CLEC3A: variants seen among roughly 807,000 people sequenced by gnomAD.
CLEC3A encodes the protein C-type (calcium dependent, carbohydrate-recognition domain) lectin, superfamily member 1 (cartilage-derived).
In CLEC3A, 28 loss-of-function variants were observed where a neutral mutation model predicts 20.4. That is an observed-to-expected ratio of 1.37 (90% CI 1.02 to 1.88). The LOEUF (loss-of-function observed/expected upper bound fraction) is 1.88, where lower values mean the gene tolerates loss of function less well. Among genes scored for constraint, CLEC3A ranks in the 40% most tolerant of loss-of-function variants. The pLI is 0.00. For synonymous variants in CLEC3A, 110 were observed against 88.1 expected (o/e 1.25, Z -1.39); for missense variants, 357 against 240.4 (o/e 1.48, Z -3.21).
In CLEC3A at chr16:78,030,727, C is replaced by A; in HGVS notation, c.480C>A (p.Asn160Lys). 2 of 1,614,112 alleles carry A rather than the reference C, an allele frequency of 1.2e-6. No individual in the cohort carries two copies. The highest frequency in any genetic ancestry group is 1.7e-6 in the Non-Finnish European group (2 of 1,180,026). Residue 160 changes from asparagine (N) to lysine (K), a missense_variant, in exon 3 of 3, where the codon AAC (asparagine) becomes AAA (lysine). Physicochemically the swap from Asn to Lys is moderately conservative, Grantham distance 94 (BLOSUM62 0). Coordinates refer to ENST00000299642, the MANE Select transcript of CLEC3A (RefSeq NM_005752.6). Reference sequence around the variant, plus strand: ...TCAACTGGGACCGTGCACAGCCTAACGGTGGCAAGCGAGAAAACTGTGTCC... The same window carrying A: ...TCAACTGGGACCGTGCACAGCCTAAAGGTGGCAAGCGAGAAAACTGTGTCC... ...SFLNWDRAQP[N>K]GGKRENCVLF...
In CLEC3A at chr16:78,030,599, G is replaced by A; in HGVS notation, c.352G>A (p.Gly118Ser). The A allele has an allele frequency of 6.2e-7, 1 of 1,614,172 alleles. No individual in the cohort carries two copies. The highest frequency in any genetic ancestry group is 8.5e-7 in the Non-Finnish European group (1 of 1,180,014). Residue 118 changes from glycine to serine, a missense_variant, in exon 3 of 3, where the codon GGT (glycine) becomes AGT (serine). Physicochemically the swap from Gly to Ser is moderately conservative, Grantham distance 56. Coordinates refer to ENST00000299642, the MANE Select transcript of CLEC3A (RefSeq NM_005752.6). Reference sequence around the variant, plus strand: ...CGAAATCAACGCCCTCCAAGACTATGGTAAAAGGAGCCTGCCAGGTGTCAA... The same window carrying A: ...CGAAATCAACGCCCTCCAAGACTATAGTAAAAGGAGCCTGCCAGGTGTCAA... ...SDEINALQDYGKRSLPGVNDF... is the reference protein window; with the variant it reads ...SDEINALQDYSKRSLPGVNDF...
intron 1 of CLEC3A, among the ~76,000 whole-genome samples, chr16:78,025,993 T>A (rs1405465203): frequency 6.6e-6 from 1 of 152,188 alleles, no homozygotes; most frequent in African/African-American, 2.4e-5. Flanking sequence ...GGTGACAGCT[T>A]ATACCTTGGA....
intron 1 of CLEC3A, among the ~76,000 whole-genome samples, chr16:78,025,477 C>G (rs561299891): frequency 6.6e-6 from 1 of 152,358 alleles, no homozygotes; most frequent in East Asian, 1.9e-4. Flanking sequence ...TTCCCATCTT[C>G]TGTGTATGGG....
rs753951064 is a variant in CLEC3A at position 78,030,511 on chromosome 16, C to T, written c.264C>T (p.Phe88=). The T allele has an allele frequency of 3.1e-6, 5 of 1,613,980 alleles. No homozygotes were observed. The East Asian group carries it at 6.7e-5, about 22-fold the overall frequency. ...CYLASEGLKH[F]HEANEDCISK... is the part of the protein sequence containing the mutation. The stretch of plus-strand genomic sequence containing the variant: ...TTGCTTCAGAAGGTTTGAAGCATTT[C>T]CATGAGGCCAATGAAGACTGCATTT... The change falls in exon 3 of 3, where the codon TTC becomes TTT. Residue 88 remains phenylalanine, a synonymous_variant. Transcript: ENST00000299642.
At chr16:78,025,107 C>A (rs1410638629) in intron 1 of CLEC3A, among the ~76,000 whole-genome samples, 2 of 152,138 alleles carry the variant, frequency 1.3e-5, no homozygotes, top group African/African-American at 4.8e-5. Context: ...TCATACCCAG[C>A]CTATTCCCAG....
chr16:78,024,911 C>CTT (rs2018793727), intron 1 of CLEC3A, among the ~76,000 whole-genome samples: 1 of 152,074 alleles, frequency 6.6e-6, no homozygotes, highest in South Asian at 2.1e-4. Context: ...ACTGCAACCT[C>CTT]TACCCACCAG....
chr16:78,027,508 G>A (rs1261222198), intron 1 of CLEC3A, among the ~76,000 whole-genome samples: 1 of 152,220 alleles, frequency 6.6e-6, no homozygotes, highest in African/African-American at 2.4e-5. Context: ...TAGAGTCACA[G>A]GATGTGACTG....
At chr16:78,024,610 T>C (rs757574060) in intron 1 of CLEC3A, among the ~76,000 whole-genome samples, 4 of 152,206 alleles carry the variant, frequency 2.6e-5, no homozygotes, top group Non-Finnish European at 5.9e-5. Flanking sequence ...AAGTAGATTC[T>C]ACAGTAGGTG....
chr16:78,027,359 A>G (rs1198474990), intron 1 of CLEC3A, among the ~76,000 whole-genome samples: 5 of 152,342 alleles, frequency 3.3e-5, no homozygotes, highest in Admixed American at 6.5e-5. Flanking sequence ...ATAACCAGGA[A>G]AGCCTTCTCA....
At chr16:78,030,369 T>C (rs774220985) in intron 2 of CLEC3A, 78 bp from the exon 3 acceptor site, 11 of 1,256,982 alleles carry the variant, frequency 8.8e-6, no homozygotes, top group African/African-American at 1.5e-5. Flanking sequence ...CAAATACTTA[T>C]TGCTATTTGC....
At position 78,022,660 on chromosome 16, in the gene CLEC3A, G is replaced by C. The variant is rs926795975; in HGVS notation, c.34G>C (p.Val12Leu). 6.2e-7 allele frequency: 1 copy of C among 1,614,110 alleles called. No homozygotes were observed. Among genetic ancestry groups the C allele is most frequent in the Admixed American group, 1.7e-5 (1 of 60,016 alleles). Residue 12 changes from valine (V) to leucine (L), a missense_variant, in exon 1 of 3, where the codon GTG becomes CTG. By Grantham distance (32) the Val-to-Leu change is conservative. Transcript: ENST00000299642. Reference protein sequence around the residue: ...AKNGLVICILVITLLLDQTTS... With the variant: ...AKNGLVICILLITLLLDQTTS... The stretch of plus-strand genomic sequence containing the variant: ...GAATGGACTTGTAATTTGCATCCTG[G>C]TGATCACCTTACTCCTGGACCAGAC...
In CLEC3A at chr16:78,022,576, A is replaced by T; in HGVS notation, c.-51A>T. ...ATGTAGCTGTGTAGTCTCCTTCCAT[A>T]GCTGCTCTAAGGGGGCTGGCAACAT... is the stretch of plus-strand genomic sequence containing the variant. On this transcript the variant is annotated 5_prime_UTR_variant, in exon 1 of 3. Transcript: ENST00000299642. 6.2e-7 allele frequency: 1 copy of T among 1,603,886 alleles called. No individual in the cohort carries two copies. Among genetic ancestry groups the T allele is most frequent in the African/African-American group, 1.3e-5 (1 of 74,608 alleles).
intron 1 of CLEC3A, among the ~76,000 whole-genome samples, chr16:78,025,764 CTTTG>C (rs2029895464): frequency 6.6e-6 from 1 of 152,174 alleles, no homozygotes; most frequent in African/African-American, 2.4e-5. Context: ...CACATATTCC[CTTTG>C]TTTGTTGTAC....
In CLEC3A at chr16:78,030,846, T is replaced by G. The variant is rs1423334420; in HGVS notation, c.*5T>G. On this transcript the variant is annotated 3_prime_UTR_variant, in exon 3 of 3. Transcript: ENST00000299642. ...GAGTTCACCATCCCTCAATAGGTCT[T>G]TCTCCAATGTGTCCTCCAAGCAAGA... 6.2e-7 allele frequency: 1 copy of G among 1,601,488 alleles called. No homozygotes were observed. The highest frequency in any genetic ancestry group is 2.2e-5 in the East Asian group (1 of 44,696).
At chr16:78,027,439 A>C (rs1364730534) in intron 1 of CLEC3A, among the ~76,000 whole-genome samples, 5 of 152,180 alleles carry the variant, frequency 3.3e-5, no homozygotes, top group African/African-American at 1.2e-4. Flanking sequence ...TAGCAGAAGG[A>C]ACACACAGGG....
Position 78,030,438 on chromosome 16 carries a change from T to C in CLEC3A, c.200-9T>C, listed in dbSNP as rs780065437. ...GCATCTTAATATGTTACACTTCACATCTTCACAGTCTGTCTCCGAGGCACT... is the reference window on the plus strand; with the variant it reads ...GCATCTTAATATGTTACACTTCACACCTTCACAGTCTGTCTCCGAGGCACT... On this transcript the variant is annotated splice_polypyrimidine_tract_variant and intron_variant, in intron 2 of 2. Coordinates refer to ENST00000299642, the MANE Select transcript of CLEC3A (RefSeq NM_005752.6). The C allele has an allele frequency of 2.5e-6, 4 of 1,585,032 alleles. No homozygotes were observed. Among genetic ancestry groups the C allele is most frequent in the South Asian group, 2.3e-5 (2 of 86,304 alleles).
At position 78,031,575 on chromosome 16, in the gene CLEC3A, A is replaced by G. The variant is rs2030110779; in HGVS notation, c.*734A>G. 1 of 152,202 alleles carries G rather than the reference A, an allele frequency of 6.6e-6. No individual in the cohort carries two copies. The highest frequency in any genetic ancestry group is 1.5e-5 in the Non-Finnish European group (1 of 68,036). The allele number at this position is 152,202 out of a possible 1,614,324, so 9.4% of individuals were successfully genotyped here. On this transcript the variant is annotated 3_prime_UTR_variant, in exon 3 of 3. Coordinates refer to ENST00000299642, the MANE Select transcript of CLEC3A (RefSeq NM_005752.6). ...TAACTTAAATGGGTAACCCTAAGGC[A>G]TATCAAAGAAGCAGATTGCATGATA...
At chr16:78,027,531 G>A (rs540874632) in intron 1 of CLEC3A, among the ~76,000 whole-genome samples, 5 of 152,300 alleles carry the variant, frequency 3.3e-5, no homozygotes, top group African/African-American at 1.2e-4. Context: ...GAGACAGAAG[G>A]AGCCTCATCT....
intron 1 of CLEC3A, among the ~76,000 whole-genome samples, chr16:78,023,483 T>C (rs1300187213): frequency 1.3e-5 from 2 of 152,200 alleles, no homozygotes; most frequent in Non-Finnish European, 2.9e-5. Flanking sequence ...TTGCAATACG[T>C]TGAAACCTAA....
Sources: gnomAD v4.1 joint callset for allele counts (sites outside exome capture counted in the v4.1 genomes callset) on GRCh38, gnomAD v4.1.1 for gene constraint, MANE v1.5 for transcripts, NCBI Gene and HGNC (gene_info 2026-07-23, HGNC 2026-07-21) for gene names.